The following ITIH5 variants were observed in gnomAD, a reference collection of about 807,000 sequenced individuals.
ITIH5 encodes inter-alpha-trypsin inhibitor heavy chain H5.
A neutral mutation model predicts 77.5 loss-of-function variants in ITIH5; 65 were observed. The ratio of observed to expected loss-of-function variants is 0.84; its 90% CI spans 0.69 to 1.03. The LOEUF (loss-of-function observed/expected upper bound fraction) is 1.03. Ranked by LOEUF, ITIH5 falls within the 50% of genes least tolerant of loss-of-function variation. ITIH5 has a pLI of 0.00. For missense variants in ITIH5, 1,208 were observed against 1,213.1 expected (o/e 1.00, Z 0.06); for synonymous variants, 525 against 494.3 (o/e 1.06, Z -0.82).
chr10:7,640,148 C>CAAAAAAAAAA lies in ITIH5; in HGVS notation c.401+596_401+605dup, dbSNP rs56939703. Reference sequence around the variant, plus strand: ...AATATTTAGAGTTAGGGGGTAACTACAAAAAAAAAAAAAAAAAAAAAAACT... The same window carrying CAAAAAAAAAA: ...AATATTTAGAGTTAGGGGGTAACTACAAAAAAAAAAAAAAAAAAAAAAAAAAAAAAAAACT... On this transcript the variant is annotated intron_variant, in intron 4 of 13. Transcript: ENST00000397146. 1.4e-4 allele frequency among the ~76,000 whole-genome samples: 11 copies of CAAAAAAAAAA among 80,280 alleles called. 1 individual carries two copies. The highest frequency in any genetic ancestry group is 1.9e-4 in the Non-Finnish European group (8 of 42,904). 52.7% of individuals were successfully genotyped at this position (80,280 alleles called of 152,430 possible).
intron 7 of ITIH5, among the ~76,000 whole-genome samples, chr10:7,599,877 T>C (rs186287388): frequency 2.0e-5 from 3 of 152,344 alleles, no homozygotes; most frequent in African/African-American, 7.2e-5. Context: ...TGGGTCTCTT[T>C]CCATCTTCCC....
At chr10:7,653,682 A>G (rs933073124) in intron 2 of ITIH5, among the ~76,000 whole-genome samples, 1 of 152,238 alleles carries the variant, frequency 6.6e-6, no homozygotes, top group Admixed American at 6.5e-5. Context: ...ATATAAATAC[A>G]GATTTAAATA....
At chr10:7,652,695 G>T (rs1414659975) in intron 2 of ITIH5, among the ~76,000 whole-genome samples, 1 of 152,056 alleles carries the variant, frequency 6.6e-6, no homozygotes, top group Non-Finnish European at 1.5e-5. Context: ...TCCTTTGAAA[G>T]GAAAACATAA....
chr10:7,644,163 G>C (rs1424138612), intron 2 of ITIH5, among the ~76,000 whole-genome samples: 1 of 151,964 alleles, frequency 6.6e-6, no homozygotes, highest in Non-Finnish European at 1.5e-5. Flanking sequence ...GCTTGAAGCA[G>C]GGAGGCAAAT....
At chr10:7,641,872 C>A in intron 3 of ITIH5, 55 bp downstream of exon 3, 3 of 1,544,788 alleles carry the variant, frequency 1.9e-6, no homozygotes, top group Non-Finnish European at 1.8e-6. Flanking sequence ...ACATCTCAGG[C>A]TCAACCTGAC....
At chr10:7,655,545 G>C (rs950774612) in intron 2 of ITIH5, 86 bp downstream of exon 2, 94 of 1,064,364 alleles carry the variant, frequency 8.8e-5, no homozygotes, top group Middle Eastern at 8.1e-4. Flanking sequence ...TGTTTTGGAG[G>C]ATCTGCAAGC....
At chr10:7,601,629 G>A (rs1168596743) in intron 7 of ITIH5, among the ~76,000 whole-genome samples, 3 of 152,104 alleles carry the variant, frequency 2.0e-5, no homozygotes, top group Non-Finnish European at 4.4e-5. Context: ...GCTTCTGGGG[G>A]TCCTTCCAGG....
intron 7 of ITIH5, among the ~76,000 whole-genome samples, chr10:7,610,995 C>T (rs191016037): frequency 6.6e-6 from 1 of 152,382 alleles, no homozygotes; most frequent in East Asian, 1.9e-4. Flanking sequence ...GCGAGGAAAT[C>T]CCTGCCTTCT....
chr10:7,586,137 A>T (rs1832674238), intron 7 of ITIH5, 68 bp from the exon 8 acceptor site: 3 of 1,390,132 alleles, frequency 2.2e-6, no homozygotes, highest in Non-Finnish European at 2.9e-6. Context: ...CTGTTCTAGA[A>T]ACCGCCCCCG....
intron 7 of ITIH5, among the ~76,000 whole-genome samples, chr10:7,612,410 A>C (rs1354687694): frequency 6.6e-6 from 1 of 152,252 alleles, no homozygotes; most frequent in Non-Finnish European, 1.5e-5. Context: ...ACAGGTGTAG[A>C]ACATTCCCAT....
At chr10:7,644,781 CATATATATCATATATATCAT>C (rs1564278127) in intron 2 of ITIH5, among the ~76,000 whole-genome samples, 3 of 127,768 alleles carry the variant, frequency 2.3e-5, no homozygotes, top group African/African-American at 6.7e-5. Context: ...ATATATATCA[CATATATATCATATATATCAT>C]ATATATCACA....
rs920367455 is a variant in ITIH5 at position 7,645,921 on chromosome 10, T to A, written c.136-3831A>T. ...GCATGACAACCTGTGGGGTTTTTTT[T>A]AAAGTTAAAATTTGTATCTCATTAT... On this transcript the variant is annotated intron_variant, in intron 2 of 13. Transcript: ENST00000397146. 8.5e-5 allele frequency among the ~76,000 whole-genome samples: 13 copies of A among 152,348 alleles called. No homozygotes were observed. In the East Asian group the frequency reaches 2.1e-3, roughly 25 times the overall value.
chr10:7,605,023 T>C (rs1242172041), intron 7 of ITIH5, among the ~76,000 whole-genome samples: 6 of 152,124 alleles, frequency 3.9e-5, no homozygotes, highest in Non-Finnish European at 8.8e-5. Flanking sequence ...GATTTCACCA[T>C]GTTGCCCAGG....
intron 7 of ITIH5, among the ~76,000 whole-genome samples, chr10:7,591,046 G>A (rs974478973): frequency 4.6e-5 from 7 of 152,120 alleles, no homozygotes; most frequent in African/African-American, 1.7e-4. Context: ...ACAGGCACAC[G>A]CCATCACGCT....
intron 5 of ITIH5, among the ~76,000 whole-genome samples, chr10:7,626,136 G>A (rs1434313688): frequency 6.6e-6 from 1 of 152,152 alleles, no homozygotes; most frequent in African/African-American, 2.4e-5. Flanking sequence ...CCCACCTCTG[G>A]TTCAGCCACA....
At chr10:7,663,136 G>T (rs1184647318) in intron 1 of ITIH5, among the ~76,000 whole-genome samples, 1 of 152,170 alleles carries the variant, frequency 6.6e-6, no homozygotes, top group Non-Finnish European at 1.5e-5. Flanking sequence ...CTGTTTGAAG[G>T]ATTTGCTGAG....
At chr10:7,597,044 C>CCAAAA (rs1832914373) in intron 7 of ITIH5, among the ~76,000 whole-genome samples, 1 of 36,922 alleles carries the variant, frequency 2.7e-5, no homozygotes, top group Non-Finnish European at 6.3e-5. Context: ...GTCTCCAACT[C>CCAAAA]AAAAAAAAAA....
intron 7 of ITIH5, among the ~76,000 whole-genome samples, chr10:7,591,129 TC>T (rs1275599185): frequency 1.3e-5 from 2 of 152,156 alleles, no homozygotes; most frequent in Non-Finnish European, 2.9e-5. Context: ...TCTCCTGACC[TC>T]ATAATCTGCC....
At position 7,565,113 on chromosome 10, in the gene ITIH5, CTG is replaced by C. The variant is rs537098769; in HGVS notation, c.2527+915_2527+916del. On this transcript the variant is annotated intron_variant, in intron 13 of 13. Coordinates refer to ENST00000397146, the MANE Select transcript of ITIH5 (RefSeq NM_030569.7). ...ACACACACACACATACATATACAGA[CTG>C]TGTATATATACACACACCATACATA... is the stretch of plus-strand genomic sequence containing the variant. Among the ~76,000 whole-genome samples, 408 of 135,144 alleles carry C rather than the reference CTG, an allele frequency of 3.0e-3. 4 individuals are homozygous for C. Among genetic ancestry groups the C allele is most frequent in the African/African-American group, 0.013 (389 of 30,310 alleles). 88.7% of individuals were successfully genotyped at this position (135,144 alleles called of 152,430 possible). A position where few individuals can be genotyped will look rare whatever the true frequency, so the allele number is the denominator to read the frequency against.
Sources: gnomAD v4.1 joint callset for allele counts (sites outside exome capture counted in the v4.1 genomes callset) on GRCh38, gnomAD v4.1.1 for gene constraint, MANE v1.5 for transcripts, NCBI Gene and HGNC (gene_info 2026-07-23, HGNC 2026-07-21) for gene names.